Variants in MAST2 observed in about 807,000 individuals in gnomAD.
The protein encoded by MAST2 is microtubule associated serine/threonine kinase 2.
A neutral mutation model predicts 147.4 loss-of-function variants in MAST2; 70 were observed. The ratio of observed to expected loss-of-function variants is 0.47; its 90% confidence interval spans 0.39 to 0.58. MAST2 has a LOEUF of 0.58. MAST2 is among the 20% of genes least tolerant of loss of function. The pLI is 0.00. For missense variants in MAST2, 2,080 were observed against 2,302.3 expected (o/e 0.90, Z 1.98); for synonymous variants, 869 against 896.8 (o/e 0.97, Z 0.55).
rs935744610 is a variant in MAST2 at position 45,885,927 on chromosome 1, G to A, written c.500+3532G>A. ...AAAGCCAGATATCAGAGAGGAGGAT[G>A]TGTGTTTCTGTGGGGGTGAGGGTTT... is the stretch of plus-strand genomic sequence containing the variant. On this transcript the variant is annotated intron_variant, in intron 4 of 28. Coordinates refer to ENST00000361297, the MANE Select transcript of MAST2 (RefSeq NM_015112.3). 2.6e-5 allele frequency among the ~76,000 whole-genome samples: 4 copies of A among 152,110 alleles called. No homozygotes were observed. In the East Asian group the frequency reaches 7.7e-4, roughly 29 times the overall value.
At position 45,824,565 on chromosome 1, in the gene MAST2, G is replaced by A. The variant is rs1425017061; in HGVS notation, c.310G>A (p.Ala104Thr). 1 of 1,599,308 alleles carries A rather than the reference G, an allele frequency of 6.3e-7. No individual in the cohort carries two copies. The highest frequency in any genetic ancestry group is 1.7e-5 in the Admixed American group (1 of 58,738). Residue 104 changes from alanine (A) to threonine (T), a missense_variant, in exon 2 of 29, where the codon GCC becomes ACC. Transcript: ENST00000361297. ...TTGTAAGTTATGGAGAGGAAACCTG[G>A]CCAGCTCTCTATCGGGTAAATATCT... ...DDCKLWRGNL[A>T]SSLSGKQLLP...
At chr1:46,034,352 C>A in intron 28 of MAST2, 86 bp downstream of exon 28, 1 of 1,438,624 alleles carries the variant, frequency 7.0e-7, no homozygotes. Flanking sequence ...AGATCCCACT[C>A]TGAGTCTCTC....
Position 46,025,792 on chromosome 1 carries a change from G to A in MAST2, c.1896G>A (p.Val632=), listed in dbSNP as rs752443016. 4.3e-6 allele frequency: 7 copies of A among 1,614,098 alleles called. No individual in the cohort carries two copies. Among genetic ancestry groups the A allele is most frequent in the Non-Finnish European group, 5.9e-6 (7 of 1,180,044 alleles). The change falls in exon 16 of 29, where the codon GTG becomes GTA. Residue 632 remains valine (V), a synonymous_variant. Transcript: ENST00000361297. The stretch of plus-strand genomic sequence containing the variant: ...AGTACTTACACAACTATGGCATCGT[G>A]CACCGTGACCTCAAGCCTGACAAGT... ...ALEYLHNYGI[V]HRDLKPDNLL... is the part of the protein sequence containing the mutation.
intron 4 of MAST2, among the ~76,000 whole-genome samples, chr1:45,908,205 T>TTTTTTATTATTTTTTTATATAC (rs1427029759): frequency 2.0e-5 from 3 of 152,174 alleles, no homozygotes; most frequent in Non-Finnish European, 4.4e-5. Flanking sequence ...TTTTAAATTG[T>TTTTTTATTATTTTTTTATATAC]TTTTTATTAT....
At position 46,021,936 on chromosome 1, in the gene MAST2, C is replaced by G; in HGVS notation, c.1291-14C>G. On this transcript the variant is annotated splice_polypyrimidine_tract_variant and intron_variant, in intron 11 of 28. Coordinates refer to ENST00000361297, the MANE Select transcript of MAST2 (RefSeq NM_015112.3). ...ATATCTGTCACCACTGACTATCTCT[C>G]TCCCTTGGTACAGGAGTTTGACCCT... 6.2e-7 allele frequency: 1 copy of G among 1,613,814 alleles called. No individual in the cohort carries two copies. Among genetic ancestry groups the G allele is most frequent in the Non-Finnish European group, 8.5e-7 (1 of 1,179,814 alleles).
chr1:45,816,899 G>A (rs1190650572), intron 1 of MAST2, among the ~76,000 whole-genome samples: 5 of 152,136 alleles, frequency 3.3e-5, no homozygotes, highest in South Asian at 2.1e-4. Context: ...GGATGGTCTC[G>A]ATCTCCTGAC....
At chr1:45,964,682 G>A (rs1660914327) in intron 5 of MAST2, among the ~76,000 whole-genome samples, 1 of 152,026 alleles carries the variant, frequency 6.6e-6, no homozygotes, top group Non-Finnish European at 1.5e-5. Context: ...TGGATTCACT[G>A]ATTTTTTTGA....
At chr1:46,006,097 G>A in intron 7 of MAST2, 144 bp from the exon 8 acceptor site, 1 of 712,086 alleles carries the variant, frequency 1.4e-6, no homozygotes, top group Non-Finnish European at 2.3e-6. Flanking sequence ...TCAAGCACAG[G>A]CAAGGCTAAG....
intron 3 of MAST2, among the ~76,000 whole-genome samples, chr1:45,853,940 T>C (rs1397405510): frequency 6.6e-6 from 1 of 152,228 alleles, no homozygotes; most frequent in Non-Finnish European, 1.5e-5. Context: ...AGGTTAAGCT[T>C]ATTTTTTTAT....
At chr1:45,938,759 G>A (rs574409711) in intron 4 of MAST2, among the ~76,000 whole-genome samples, 5 of 152,262 alleles carry the variant, frequency 3.3e-5, no homozygotes, top group South Asian at 2.1e-4. Context: ...CCATTCTAGT[G>A]GTGTGTAGTA....
chr1:45,976,542 T>G (rs1229893027), intron 5 of MAST2, among the ~76,000 whole-genome samples: 3 of 152,196 alleles, frequency 2.0e-5, no homozygotes, highest in Non-Finnish European at 4.4e-5. Flanking sequence ...AACATTAAAA[T>G]CACATTGTTC....
At chr1:45,807,967 G>A (rs1168854388) in intron 1 of MAST2, among the ~76,000 whole-genome samples, 1 of 152,096 alleles carries the variant, frequency 6.6e-6, no homozygotes. Context: ...TATTTATTTG[G>A]GTAGTAAGAG....
At chr1:45,933,615 A>ATGG (rs1431692849) in intron 4 of MAST2, among the ~76,000 whole-genome samples, 102 of 150,996 alleles carry the variant, frequency 6.8e-4, no homozygotes, top group African/African-American at 2.5e-3. Context: ...TTAGCTGGGC[A>ATGG]TGGTGGTGGG....
Position 46,006,136 on chromosome 1 carries a change from G to T in MAST2, c.748-105G>T, listed in dbSNP as rs139468118. 1.2e-4 allele frequency: 144 copies of T among 1,173,482 alleles called. 1 individual carries two copies. The African/African-American group carries it at 1.7e-3, about 14-fold the overall frequency. 72.7% of individuals were successfully genotyped at this position (1,173,482 alleles called of 1,614,324 possible). A position where few individuals can be genotyped will look rare whatever the true frequency, so the allele number is the denominator to read the frequency against. On this transcript the variant is annotated intron_variant, in intron 7 of 28. Transcript: ENST00000361297. ...GTAGGGGAAAGAAGACCTGCTTTGG[G>T]TTTATAGTGACTGGGAAGTTCCCTG...
At chr1:46,009,519 A>G (rs1645628502) in intron 9 of MAST2, among the ~76,000 whole-genome samples, 1 of 152,240 alleles carries the variant, frequency 6.6e-6, no homozygotes, top group Admixed American at 6.5e-5. Context: ...ATAAGCATGA[A>G]GAAGGAGGCA....
chr1:45,837,678 ATTTATC>A (rs1197269979), intron 3 of MAST2, among the ~76,000 whole-genome samples: 1 of 152,172 alleles, frequency 6.6e-6, no homozygotes. Flanking sequence ...ACCAGTGTAA[ATTTATC>A]TTTATAAGAA....
Position 45,959,367 on chromosome 1 carries a change from T to C in MAST2, c.501-19T>C, listed in dbSNP as rs374245495. The C allele has an allele frequency of 8.0e-5, 128 of 1,604,792 alleles. 1 individual carries two copies. In the African/African-American group the frequency reaches 1.6e-3, roughly 19 times the overall value. On this transcript the variant is annotated intron_variant, in intron 4 of 28. Coordinates refer to ENST00000361297, the MANE Select transcript of MAST2 (RefSeq NM_015112.3). ...CATGGTGTGGCCCTATTATAATTCA[T>C]ATTTTGTTTTCATTGCAGTTGTCGG...
chr1:45,821,644 C>T (rs756158204), intron 1 of MAST2, among the ~76,000 whole-genome samples: 31 of 151,000 alleles, frequency 2.1e-4, no homozygotes, highest in Non-Finnish European at 3.5e-4. Context: ...CTCAGCCTCC[C>T]GAGTAGCTGG....
At chr1:45,912,927 G>C (rs1651901027) in intron 4 of MAST2, among the ~76,000 whole-genome samples, 2 of 152,072 alleles carry the variant, frequency 1.3e-5, no homozygotes, top group South Asian at 4.1e-4. Flanking sequence ...CTATATATTA[G>C]GTACCTTAAT....
Sources: gnomAD v4.1 joint callset for allele counts (sites outside exome capture counted in the v4.1 genomes callset) on GRCh38, gnomAD v4.1.1 for gene constraint, MANE v1.5 for transcripts, NCBI Gene and HGNC (gene_info 2026-07-23, HGNC 2026-07-21) for gene names.